Variants in LCTL observed in about 807,000 individuals in gnomAD.
LCTL encodes lactase like.
A neutral mutation model predicts 75.8 loss-of-function variants in LCTL; 76 were observed. The ratio of observed to expected loss-of-function variants is 1.00; its 90% CI spans 0.83 to 1.21. The LOEUF (loss-of-function observed/expected upper bound fraction) is 1.21. LCTL is among the 50% of genes most tolerant of loss of function. The pLI, the probability that LCTL is intolerant of heterozygous loss-of-function variation, is 0.00. For missense variants in LCTL, 670 were observed against 712.4 expected (o/e 0.94, Z 0.68); for synonymous variants, 271 against 268.8 (o/e 1.01, Z -0.08).
chr15:66,564,622 C>T (rs1488461102), intron 2 of LCTL, 54 bp downstream of exon 3: 46 of 1,573,702 alleles, frequency 2.9e-5, no homozygotes, highest in East Asian at 4.5e-5. Context: ...TAGGCATGTA[C>T]TCACATGTGT....
At chr15:66,559,635 G>C (rs1895832913) in intron 6 of LCTL, among the ~76,000 whole-genome samples, 1 of 152,182 alleles carries the variant, frequency 6.6e-6, no homozygotes, top group Non-Finnish European at 1.5e-5. Flanking sequence ...TTGAACCCAG[G>C]AGGCAGAGGT....
chr15:66,565,375 C>T (rs1157361024), exon 1 of LCTL: 2 of 1,551,044 alleles, frequency 1.3e-6, no homozygotes, highest in Non-Finnish European at 1.8e-6. Flanking sequence ...TGGTGCCTGG[C>T]CCTCCCCCAT....
chr15:66,548,211 A>T, exon 13 of LCTL: 1 of 239,122 alleles, frequency 4.2e-6, no homozygotes, highest in East Asian at 7.9e-5. Flanking sequence ...GTATACTATG[A>T]TGCCATTTTT....
At chr15:66,560,951 G>A (rs1895870185) in intron 6 of LCTL, 55 bp downstream of exon 7, 2 of 1,543,112 alleles carry the variant, frequency 1.3e-6, no homozygotes, top group South Asian at 1.1e-5. Flanking sequence ...TAGAGCCCCT[G>A]GGGCAGGCTG....
intron 8 of LCTL, among the ~76,000 whole-genome samples, chr15:66,556,519 G>C (rs1204824696): frequency 1.3e-5 from 2 of 152,106 alleles, no homozygotes; most frequent in Non-Finnish European, 2.9e-5. Context: ...TGGTCAGGCT[G>C]GTCTCAAACT....
At chr15:66,554,985 A>C (rs750205995) in intron 8 of LCTL, among the ~76,000 whole-genome samples, 2 of 152,200 alleles carry the variant, frequency 1.3e-5, no homozygotes, top group Non-Finnish European at 2.9e-5. Flanking sequence ...GGTGTAATCT[A>C]TACAAAAAAG....
chr15:66,562,646 A>T (rs566735829), intron 4 of LCTL, among the ~76,000 whole-genome samples: 1 of 150,894 alleles, frequency 6.6e-6, no homozygotes, highest in East Asian at 2.0e-4. Context: ...GTGCAATGGC[A>T]TAATCTCGGC....
intron 3 of LCTL, 114 bp from the exon 5 acceptor site, chr15:66,563,739 A>G: frequency 3.4e-6 from 3 of 875,202 alleles, no homozygotes; most frequent in Non-Finnish European, 5.4e-6. Flanking sequence ...AGGCACCCTC[A>G]GCCCACCAGC....
exon 10 of LCTL, chr15:66,552,125 T>C: frequency 2.5e-6 from 4 of 1,613,552 alleles, no homozygotes; most frequent in Non-Finnish European, 3.4e-6. Flanking sequence ...ATTTTTGAGA[T>C]GCTCCATTTT....
At chr15:66,549,294 T>C (rs1220780890) in intron 12 of LCTL, 1 of 152,202 alleles carries the variant, frequency 6.6e-6, no homozygotes, top group Non-Finnish European at 1.5e-5. Flanking sequence ...TTCTTAGTAT[T>C]GCCTGATTAT....
exon 1 of LCTL, chr15:66,565,474 G>C: frequency 1.5e-6 from 1 of 648,578 alleles, no homozygotes; most frequent in Admixed American, 3.2e-5. Context: ...GTGGGGAGAG[G>C]AAGGGAAAGG....
chr15:66,549,671 G>A (rs7164579), intron 12 of LCTL: 9,112 of 158,966 alleles, frequency 0.057, 295 homozygotes, highest in African/African-American at 0.091. Context: ...ATTGCTTGCC[G>A]AATGAACAAA....
rs546635278 is a variant in LCTL, at chr15:66,548,617, A to G, written c.1589-12T>C. The G allele has an allele frequency of 5.2e-5, 72 of 1,380,284 alleles. No individual in the cohort carries two copies. In the South Asian group the frequency reaches 7.9e-4, roughly 15 times the overall value. The allele number at this position is 1,380,284 out of a possible 1,614,324, so 85.5% of individuals were successfully genotyped here. A position where few individuals can be genotyped will look rare whatever the true frequency, so the allele number is the denominator to read the frequency against. On this transcript the variant is annotated splice_polypyrimidine_tract_variant and intron_variant, in intron 12 of 12. Transcript: ENST00000341509. ...ACTTAGCAAGGGCTCTGAAATGACA[A>G]AGAGAACGAGCACCACAAATGAGAA...
chr15:66,556,302 G>A (rs970900950), intron 8 of LCTL, among the ~76,000 whole-genome samples: 1 of 151,920 alleles, frequency 6.6e-6, no homozygotes, highest in Admixed American at 6.6e-5. Context: ...TACAGACAAT[G>A]GAAATTTTTT....
At chr15:66,557,439 A>C (rs34968502) in intron 8 of LCTL, among the ~76,000 whole-genome samples, 13,555 of 152,034 alleles carry the variant, frequency 0.089, 789 homozygotes, top group Middle Eastern at 0.13. Flanking sequence ...AGTGGGGTGG[A>C]GGAAGGGCAG....
chr15:66,560,337 T>C (rs565718393), intron 6 of LCTL, among the ~76,000 whole-genome samples: 1 of 152,258 alleles, frequency 6.6e-6, no homozygotes, highest in Admixed American at 6.5e-5. Context: ...ATACATGTCC[T>C]GTAATGTGAC....
exon 9 of LCTL, chr15:66,553,239 T>A: frequency 6.3e-7 from 1 of 1,582,580 alleles, no homozygotes; most frequent in Non-Finnish European, 8.6e-7. Flanking sequence ...TCTCCAGGCC[T>A]TGCTCTGCAC....
Position 66,557,576 on chromosome 15 carries a change from T to G in LCTL, c.922+146A>C, listed in dbSNP as rs1257264890. ...GTTCCTCCCTGCCAATTCAAATGTCTGGTTCTCAATTCTTTTGAGTCTGGA... is the reference window on the plus strand; with the variant it reads ...GTTCCTCCCTGCCAATTCAAATGTCGGGTTCTCAATTCTTTTGAGTCTGGA... On this transcript the variant is annotated intron_variant, in intron 8 of 12. Transcript: ENST00000341509. 5.4e-6 allele frequency: 4 copies of G among 738,550 alleles called. No individual in the cohort carries two copies. In the African/African-American group the frequency reaches 7.0e-5, roughly 13 times the overall value. The allele number at this position is 738,550 out of a possible 1,614,324, so 45.7% of individuals were successfully genotyped here. A position where few individuals can be genotyped will look rare whatever the true frequency, so the allele number is the denominator to read the frequency against.
chr15:66,562,508 A>T (rs1476205313), intron 4 of LCTL, among the ~76,000 whole-genome samples: 1 of 152,120 alleles, frequency 6.6e-6, no homozygotes, highest in Non-Finnish European at 1.5e-5. Flanking sequence ...GGCAGGGGTC[A>T]TATATGAGTG....
Sources: allele counts gnomAD v4.1 joint callset (sites outside exome capture counted in the v4.1 genomes callset), GRCh38; gene constraint gnomAD v4.1.1; transcripts MANE v1.5; gene names NCBI Gene and HGNC (gene_info 2026-07-23, HGNC 2026-07-21).